Variants in HCN1 observed in about 807,000 individuals in gnomAD.
HCN1 encodes the protein potassium/sodium hyperpolarization-activated cyclic nucleotide-gated channel 1.
A neutral mutation model predicts 78.9 loss-of-function variants in HCN1; 13 were observed. That is an observed-to-expected ratio of 0.16 (90% CI 0.11 to 0.26). The LOEUF (loss-of-function observed/expected upper bound fraction) is 0.26. HCN1 is among the 10% of genes least tolerant of loss of function. The pLI is 1.00. For synonymous variants in HCN1, 552 were observed against 455.5 expected, an observed-to-expected ratio of 1.21 and a Z score of -2.70; for missense variants, 810 against 1,154.3, an observed-to-expected ratio of 0.70 and a Z score of 4.32.
At chr5:45,396,439 T>A in intron 4 of HCN1, 53 bp downstream of exon 4, 1 of 1,383,232 alleles carries the variant, frequency 7.2e-7, no homozygotes, top group Non-Finnish European at 1.0e-6. Context: ...CAATTCAATT[T>A]ACTGGTTCAG....
At chr5:45,441,316 A>G (rs1006607122) in intron 3 of HCN1, among the ~76,000 whole-genome samples, 14 of 150,382 alleles carry the variant, frequency 9.3e-5, no homozygotes, top group Admixed American at 1.3e-4. Flanking sequence ...GCATATAAGA[A>G]TAGCTACTCG....
intron 2 of HCN1, among the ~76,000 whole-genome samples, chr5:45,534,404 C>CAAAAAAAAAAAAAAAAAAAAAAAAAA (rs71000637): frequency 3.4e-5 from 1 of 29,316 alleles, no homozygotes; most frequent in African/African-American, 1.7e-4. Flanking sequence ...GACTGCATCT[C>CAAAAAAAAAAAAAAAAAAAAAAAAAA]AAAAAAAAAA....
intron 4 of HCN1, among the ~76,000 whole-genome samples, chr5:45,380,244 C>A (rs769830537): frequency 3.3e-5 from 5 of 151,922 alleles, no homozygotes; most frequent in Non-Finnish European, 7.4e-5. Flanking sequence ...AATTGAAGAG[C>A]AAAAAGGCCA....
At chr5:45,318,656 C>T (rs187950828) in intron 5 of HCN1, among the ~76,000 whole-genome samples, 2 of 151,776 alleles carry the variant, frequency 1.3e-5, no homozygotes, top group African/African-American at 4.8e-5. Context: ...CATTATTTTG[C>T]TAAAATATGA....
At chr5:45,265,217 A>G (rs1744833616) in intron 7 of HCN1, among the ~76,000 whole-genome samples, 1 of 152,206 alleles carries the variant, frequency 6.6e-6, no homozygotes, top group South Asian at 2.1e-4. Context: ...AACTGCAATA[A>G]GTTAGATGAA....
chr5:45,277,350 C>A (rs1444158586), intron 6 of HCN1, among the ~76,000 whole-genome samples: 1 of 151,942 alleles, frequency 6.6e-6, no homozygotes, highest in Non-Finnish European at 1.5e-5. Context: ...ATTGATTGAT[C>A]TAAAGCTGTA....
intron 2 of HCN1, among the ~76,000 whole-genome samples, chr5:45,627,433 C>G (rs1482079715): frequency 6.6e-6 from 1 of 152,122 alleles, no homozygotes; most frequent in Non-Finnish European, 1.5e-5. Context: ...TTATACTGAG[C>G]CATCACTCCA....
At chr5:45,523,575 C>T (rs1203831075) in intron 2 of HCN1, among the ~76,000 whole-genome samples, 3 of 152,098 alleles carry the variant, frequency 2.0e-5, no homozygotes, top group Non-Finnish European at 4.4e-5. Context: ...GATGGTATCT[C>T]ATTGTGGTTT....
At chr5:45,286,409 A>G (rs1745271444) in intron 6 of HCN1, among the ~76,000 whole-genome samples, 1 of 151,988 alleles carries the variant, frequency 6.6e-6, no homozygotes. Flanking sequence ...TATCCTGTAA[A>G]CTTCAAGAAA....
Position 45,353,185 on chromosome 5 carries a change from A to C in HCN1, c.1292T>G (p.Ile431Arg). The C allele has an allele frequency of 1.9e-6, 3 of 1,609,158 alleles. No homozygotes were observed. The highest frequency in any genetic ancestry group is 2.6e-6 in the Non-Finnish European group (3 of 1,175,962). ...GTATCTGTGTTCATAGTAATCATGT[A>C]TCTTCTGACGCATATCAGCTGGTAA... is the stretch of plus-strand genomic sequence containing the variant. The part of the protein sequence containing the change: ...HKLPADMRQK[I>R]HDYYEHRYQG... Residue 431 changes from isoleucine to arginine, a missense_variant, in exon 5 of 8, where the codon ATA becomes AGA. This residue lies in a region of HCN1 where 100 missense variants were observed against 126.8 expected (regional missense o/e 0.79). Coordinates refer to ENST00000303230, the MANE Select transcript of HCN1 (RefSeq NM_021072.4).
At chr5:45,327,047 T>C (rs1225985624) in intron 5 of HCN1, among the ~76,000 whole-genome samples, 1 of 151,706 alleles carries the variant, frequency 6.6e-6, no homozygotes, top group Non-Finnish European at 1.5e-5. Flanking sequence ...GAGTGTTCAT[T>C]AGAGAATTTG....
At chr5:45,527,884 T>C (rs1297284181) in intron 2 of HCN1, among the ~76,000 whole-genome samples, 2 of 151,660 alleles carry the variant, frequency 1.3e-5, no homozygotes, top group Non-Finnish European at 2.9e-5. Context: ...TGGTCAGTAA[T>C]GATGGAGATG....
chr5:45,396,866 T>G (rs943115993), intron 3 of HCN1, among the ~76,000 whole-genome samples, 156 bp from the exon 4 acceptor site: 3 of 152,162 alleles, frequency 2.0e-5, no homozygotes, highest in African/African-American at 4.8e-5. Context: ...AACTGTGAAT[T>G]AAATGATGTT....
chr5:45,306,713 T>TTGAGGCAAATAAAACACACTGTTA (rs1745741699), intron 5 of HCN1, among the ~76,000 whole-genome samples: 1 of 152,102 alleles, frequency 6.6e-6, no homozygotes, highest in Non-Finnish European at 1.5e-5. Context: ...TTAGGGCACA[T>TTGAGGCAAATAAAACACACTGTTA]TGAGGCAAAT....
chr5:45,594,793 A>C (rs1466556528), intron 2 of HCN1, among the ~76,000 whole-genome samples: 1 of 152,172 alleles, frequency 6.6e-6, no homozygotes, highest in Admixed American at 6.6e-5. Context: ...CTTCATCCCT[A>C]AGTAACCTCC....
intron 5 of HCN1, among the ~76,000 whole-genome samples, chr5:45,342,034 C>T (rs1746593613): frequency 6.6e-6 from 1 of 151,960 alleles, no homozygotes; most frequent in Non-Finnish European, 1.5e-5. Flanking sequence ...ATAATGTGAA[C>T]CAGATTGCGT....
At chr5:45,276,617 T>C (rs1010192737) in intron 6 of HCN1, among the ~76,000 whole-genome samples, 1 of 152,052 alleles carries the variant, frequency 6.6e-6, no homozygotes, top group Non-Finnish European at 1.5e-5. Flanking sequence ...CCTTAGGCAA[T>C]TGTGGAGAAT....
intron 4 of HCN1, among the ~76,000 whole-genome samples, chr5:45,360,376 A>T (rs1249031911): frequency 6.6e-6 from 1 of 151,978 alleles, no homozygotes; most frequent in Non-Finnish European, 1.5e-5. Flanking sequence ...ATAAATAATC[A>T]CTGGGCTTAT....
intron 5 of HCN1, among the ~76,000 whole-genome samples, chr5:45,323,808 T>G (rs1746176396): frequency 6.6e-6 from 1 of 151,934 alleles, no homozygotes; most frequent in Non-Finnish European, 1.5e-5. Context: ...AGTGAGAACA[T>G]GTGGTGTTTG....
Sources: gnomAD v4.1 joint callset for allele counts (sites outside exome capture counted in the v4.1 genomes callset) on GRCh38, gnomAD v4.1.1 for gene constraint, gnomAD v4.1.1 regional missense constraint, MANE v1.5 for transcripts, NCBI Gene and HGNC (gene_info 2026-07-23, HGNC 2026-07-21) for gene names.